The following RBFOX3 variants were observed in gnomAD, a reference collection of about 807,000 sequenced individuals.
RBFOX3 encodes RNA binding protein fox-1 homolog 3.
A neutral mutation model predicts 48.7 loss-of-function variants in RBFOX3; 17 were observed. The ratio of observed to expected loss-of-function variants is 0.35; its 90% CI spans 0.24 to 0.52. The LOEUF is 0.52. Ranked by LOEUF, RBFOX3 falls within the 20% of genes least tolerant of loss-of-function variation. The probability of loss-of-function intolerance (pLI) is 0.94; values close to 1 mark genes in which losing one functional copy is unlikely to be tolerated. For synonymous variants in RBFOX3, 212 were observed against 209.5 expected (o/e 1.01, Z -0.10); for missense variants, 382 against 497.5 (o/e 0.77, Z 2.21).
chr17:79,558,340 G>A (rs982271856), intron 1 of RBFOX3, among the ~76,000 whole-genome samples: 3 of 152,190 alleles, frequency 2.0e-5, no homozygotes, highest in Non-Finnish European at 2.9e-5. Flanking sequence ...AGGATCTCCC[G>A]CCCTGTGTGC....
At chr17:79,155,637 C>T (rs2045609136) in intron 4 of RBFOX3, among the ~76,000 whole-genome samples, 4 of 152,132 alleles carry the variant, frequency 2.6e-5, no homozygotes, top group Admixed American at 2.0e-4. Context: ...GAGAAGGACC[C>T]TGTCCCTTAG....
chr17:79,302,676 T>C (rs2075505278), intron 3 of RBFOX3, among the ~76,000 whole-genome samples: 2 of 151,632 alleles, frequency 1.3e-5, no homozygotes, highest in Admixed American at 6.6e-5. Flanking sequence ...AGAAAAAAAA[T>C]AGATGGTGAA....
chr17:79,221,181 C>A (rs1051376027), intron 4 of RBFOX3, among the ~76,000 whole-genome samples: 7 of 152,246 alleles, frequency 4.6e-5, no homozygotes, highest in Non-Finnish European at 8.8e-5. Context: ...TCATCTCTGG[C>A]CAGTGCCACC....
chr17:79,299,744 A>G lies in RBFOX3; in HGVS notation c.-74+7980T>C, dbSNP rs1568000572. ...TAATCCAAAGTGACTGTTCTCCTGAAGAGGAGATTAGGACAGACGCAAACA... is the reference window on the plus strand; with the variant it reads ...TAATCCAAAGTGACTGTTCTCCTGAGGAGGAGATTAGGACAGACGCAAACA... On this transcript the variant is annotated intron_variant, in intron 3 of 14. Transcript: ENST00000693108. This position sits in a 1 kb window ranked among gnomAD's most constrained non-coding sequence, Gnocchi z 4.5. 1.3e-5 allele frequency among the ~76,000 whole-genome samples: 2 copies of G among 152,160 alleles called. No individual in the cohort carries two copies. The highest frequency in any genetic ancestry group is 4.8e-5 in the African/African-American group (2 of 41,420).
At chr17:79,271,719 C>G (rs1161655198) in intron 3 of RBFOX3, among the ~76,000 whole-genome samples, 1 of 150,866 alleles carries the variant, frequency 6.6e-6, no homozygotes, top group Non-Finnish European at 1.5e-5. Flanking sequence ...TTCTCTGGAC[C>G]CCGTTGCCTA....
chr17:79,218,047 G>A (rs912338463), intron 4 of RBFOX3, among the ~76,000 whole-genome samples: 4 of 152,180 alleles, frequency 2.6e-5, no homozygotes, highest in Non-Finnish European at 4.4e-5. Flanking sequence ...CCCACTCTGG[G>A]AGCTGGGGTC....
chr17:79,375,358 G>GACACACACACAC lies in RBFOX3; in HGVS notation c.-174-67546_-174-67535dup, dbSNP rs534923135. On this transcript the variant is annotated intron_variant, in intron 2 of 14. Coordinates refer to ENST00000693108, the MANE Select transcript of RBFOX3 (RefSeq NM_001350451.2). ...TGCTGGTCCAGTTAGGAAGACAGAA[G>GACACACACACAC]ACACACACACACACACACACACACA... 3.9e-3 allele frequency among the ~76,000 whole-genome samples: 536 copies of GACACACACACAC among 136,270 alleles called. 1 individual carries two copies. The highest frequency in any genetic ancestry group is 5.6e-3 in the Non-Finnish European group (359 of 63,746). The allele number at this position is 136,270 out of a possible 152,430, so 89.4% of individuals were successfully genotyped here.
At chr17:79,451,246 G>A (rs1260215165) in intron 2 of RBFOX3, among the ~76,000 whole-genome samples, 4 of 152,168 alleles carry the variant, frequency 2.6e-5, no homozygotes, top group Non-Finnish European at 2.9e-5. Flanking sequence ...AATACATTAG[G>A]AAATTTGGTT....
chr17:79,559,900 G>C (rs1482269985), intron 1 of RBFOX3, among the ~76,000 whole-genome samples: 2 of 148,166 alleles, frequency 1.3e-5, no homozygotes, highest in Non-Finnish European at 3.0e-5. Flanking sequence ...GTGGATGGGT[G>C]GGTGGGTGAG....
At chr17:79,648,978 CTTTT>C in the RBFOX3 span, among the ~76,000 whole-genome samples, 1 of 133,222 alleles carries the variant, frequency 7.5e-6, no homozygotes, top group Non-Finnish European at 1.6e-5. Context: ...TGAAAAATGT[CTTTT>C]TTTTTTTTTT....
At chr17:79,163,182 C>T (rs975495018) in intron 4 of RBFOX3, among the ~76,000 whole-genome samples, 1 of 152,256 alleles carries the variant, frequency 6.6e-6, no homozygotes, top group Non-Finnish European at 1.5e-5. Context: ...GGACCCTAGC[C>T]GGGTCCCTCT....
At chr17:79,410,760 G>GTGCCTCC (rs1268617294) in intron 2 of RBFOX3, among the ~76,000 whole-genome samples, 4 of 152,158 alleles carry the variant, frequency 2.6e-5, no homozygotes, top group Non-Finnish European at 4.4e-5. Flanking sequence ...AGGTCAGGCG[G>GTGCCTCC]TGCCTCCTGC....
chr17:79,630,880 A>G, the RBFOX3 span, among the ~76,000 whole-genome samples: 1 of 152,108 alleles, frequency 6.6e-6, no homozygotes, highest in African/African-American at 2.4e-5. Flanking sequence ...CAGACCTGCA[A>G]GGTTTGCTCA....
intron 14 of RBFOX3, chr17:79,092,271 G>GCC: frequency 1.0e-6 from 1 of 985,522 alleles, no homozygotes; most frequent in South Asian, 4.7e-5. Context: ...CTGGTCTCCT[G>GCC]GCCCAGCCTG....
At chr17:79,487,480 A>C (rs1362771246) in intron 1 of RBFOX3, among the ~76,000 whole-genome samples, 1 of 152,192 alleles carries the variant, frequency 6.6e-6, no homozygotes, top group Admixed American at 6.5e-5. Flanking sequence ...GCCTGGCCGA[A>C]TCACCATCAT....
rs2058738782 is a variant in RBFOX3, at chr17:79,214,354, C to G, written c.-34+21412G>C. ...ATGGAGGTGCCTCATGGAGGAAAGC[C>G]CTGTCTCCTCATTAATTAGACAAGC... On this transcript the variant is annotated intron_variant, in intron 4 of 14. Coordinates refer to ENST00000693108, the MANE Select transcript of RBFOX3 (RefSeq NM_001350451.2). This position sits in a 1 kb window ranked among gnomAD's most constrained non-coding sequence, Gnocchi z 4.7. Among the ~76,000 whole-genome samples the G allele has an allele frequency of 6.6e-6, 1 of 152,138 alleles. No homozygotes were observed. The highest frequency in any genetic ancestry group is 2.4e-5 in the African/African-American group (1 of 41,406).
intron 1 of RBFOX3, among the ~76,000 whole-genome samples, chr17:79,542,315 T>C (rs887356790): frequency 3.2e-4 from 49 of 152,234 alleles, no homozygotes; most frequent in Middle Eastern, 3.4e-3. Flanking sequence ...GGCTCCCCAA[T>C]GCTGTCAGCA....
In RBFOX3 at chr17:79,173,403, C is replaced by T. The variant is rs187289833; in HGVS notation, c.-33-57655G>A. On this transcript the variant is annotated intron_variant, in intron 4 of 14. Transcript: ENST00000693108. ...ACAGCTCATGCTAAAGGCATTAACA[C>T]TGGAGACGCCCTTGGAGGTCGTCTT... is the stretch of plus-strand genomic sequence containing the variant. Among the ~76,000 whole-genome samples the T allele has an allele frequency of 5.0e-3, 754 of 152,312 alleles. 20 individuals are homozygous for T. The highest frequency in any genetic ancestry group is 0.04 in the Admixed American group (616 of 15,310).
chr17:79,600,152 T>C (rs975602087), intron 1 of RBFOX3: 1 of 152,238 alleles, frequency 6.6e-6, no homozygotes, highest in Non-Finnish European at 1.5e-5. Context: ...GAGCCTGCGA[T>C]GTCCAAGAGG....
Sources: gnomAD v4.1 joint callset for allele counts (sites outside exome capture counted in the v4.1 genomes callset) on GRCh38, gnomAD v4.1.1 for gene constraint, Gnocchi (gnomAD v3.1) non-coding constraint, MANE v1.5 for transcripts, NCBI Gene and HGNC (gene_info 2026-07-23, HGNC 2026-07-21) for gene names.